Variants in LYST observed in about 807,000 individuals in gnomAD.
The protein encoded by LYST is lysosomal-trafficking regulator.
LYST carries 192 observed loss-of-function variants against 413.6 expected under a neutral mutation model. The observed-to-expected ratio is 0.46, with a 90% CI of 0.41 to 0.52. The LOEUF (loss-of-function observed/expected upper bound fraction) is 0.52. Among genes scored for constraint, LYST ranks in the 20% least tolerant of loss-of-function variants. The pLI, the probability that LYST is intolerant of heterozygous loss-of-function variation, is 0.00. For missense variants in LYST, 3,815 were observed against 4,499.9 expected, an observed-to-expected ratio of 0.85 and a Z score of 4.35; for synonymous variants, 1,525 against 1,567.3, an observed-to-expected ratio of 0.97 and a Z score of 0.64.
At position 235,727,128 on chromosome 1, in the gene LYST, T is replaced by C. The variant is rs76219119; in HGVS notation, c.9162+948A>G. Among the ~76,000 whole-genome samples, 470 of 150,020 alleles carry C rather than the reference T, an allele frequency of 3.1e-3. 1 individual carries two copies. Among genetic ancestry groups the C allele is most frequent in the East Asian group, 8.3e-3 (43 of 5,162 alleles). ...CACTCACTACTTTCTTTCTTTCTTT[T>C]TTTTTTTTTTTTGAGACAGAGTCTC... On this transcript the variant is annotated intron_variant, in intron 38 of 52. Transcript: ENST00000389793.
At chr1:235,814,353 G>A (rs1233287795) in intron 3 of LYST, among the ~76,000 whole-genome samples, 1 of 152,138 alleles carries the variant, frequency 6.6e-6, no homozygotes, top group Admixed American at 6.5e-5. Flanking sequence ...GAGTAATTGG[G>A]GTGGAAGGCA....
chr1:235,776,301 C>T (rs12081379), intron 17 of LYST, among the ~76,000 whole-genome samples: 5,659 of 152,202 alleles, frequency 0.037, 352 homozygotes, highest in African/African-American at 0.13. Context: ...CAACAACAAA[C>T]GCTGATATGC....
intron 1 of LYST, among the ~76,000 whole-genome samples, chr1:235,879,989 A>T (rs1254319429): frequency 6.6e-6 from 1 of 152,138 alleles, no homozygotes; most frequent in East Asian, 1.9e-4. Flanking sequence ...TGCCCACCTC[A>T]GCCTCCCAAA....
At chr1:235,680,659 C>A (rs1015395158) in intron 48 of LYST, among the ~76,000 whole-genome samples, 1 of 151,358 alleles carries the variant, frequency 6.6e-6, no homozygotes, top group African/African-American at 2.4e-5. Context: ...AGTGCAATGG[C>A]GCAACCTTGG....
rs1673137307 is a variant in LYST, at chr1:235,808,762, A to T, written c.2056T>A (p.Leu686Met). ...TTTAAAGCATCCCATTTCCACAACA[A>T]ATCTTCAGATCCACTGCTGGGCAGG... is the stretch of plus-strand genomic sequence containing the variant. ...GILPSSGSED[L>M]LWKWDALKAY... Residue 686 changes from leucine (L) to methionine (M), a missense_variant, in exon 5 of 53, where the codon TTG becomes ATG. By Grantham distance (15) the Leu-to-Met change is conservative. Transcript: ENST00000389793. 6.2e-7 allele frequency: 1 copy of T among 1,613,860 alleles called. No homozygotes were observed.
intron 6 of LYST, 140 bp downstream of exon 6, chr1:235,805,603 T>C (rs1672739655): frequency 7.4e-6 from 2 of 268,766 alleles, no homozygotes; most frequent in South Asian, 1.5e-4. Flanking sequence ...AAAAGTAATA[T>C]ATTATATGTT....
At chr1:235,683,483 G>A (rs1659987407) in intron 48 of LYST, among the ~76,000 whole-genome samples, 1 of 152,164 alleles carries the variant, frequency 6.6e-6, no homozygotes, top group African/African-American at 2.4e-5. Flanking sequence ...ATGGCTTATA[G>A]GTTACAATCC....
chr1:235,798,669 G>A (rs1671861983), intron 10 of LYST, among the ~76,000 whole-genome samples: 1 of 129,142 alleles, frequency 7.7e-6, no homozygotes, highest in Non-Finnish European at 1.6e-5. Context: ...TGATTAGAAA[G>A]AGAACTAAAG....
intron 31 of LYST, chr1:235,737,921 G>GAA: frequency 2.5e-6 from 3 of 1,176,872 alleles, no homozygotes; most frequent in Admixed American, 4.2e-5. Context: ...CGACGAGTCT[G>GAA]GATCTCACTG....
At chr1:235,737,690 A>C (rs867429412) in intron 31 of LYST, 3 of 158,016 alleles carry the variant, frequency 1.9e-5, no homozygotes, top group African/African-American at 7.2e-5. Context: ...TTAATATCAA[A>C]CTGAATAATG....
intron 40 of LYST, among the ~76,000 whole-genome samples, chr1:235,719,426 G>A (rs1663142084): frequency 6.6e-6 from 1 of 152,122 alleles, no homozygotes; most frequent in African/African-American, 2.4e-5. Context: ...TAGAAGAAAT[G>A]AGAGAATGGG....
intron 48 of LYST, among the ~76,000 whole-genome samples, chr1:235,684,855 C>T (rs1660086896): frequency 6.6e-6 from 1 of 152,012 alleles, no homozygotes; most frequent in African/African-American, 2.4e-5. Flanking sequence ...TCTCAAATTT[C>T]TGGGCTCAAG....
At chr1:235,767,492 C>G (rs190251672) in intron 20 of LYST, among the ~76,000 whole-genome samples, 1 of 152,234 alleles carries the variant, frequency 6.6e-6, no homozygotes, top group Admixed American at 6.5e-5. Flanking sequence ...CTACAACCAT[C>G]TGCATTTCTT....
intron 1 of LYST, among the ~76,000 whole-genome samples, chr1:235,834,948 C>T (rs12072626): frequency 0.44 from 67,184 of 151,302 alleles, 16,144 homozygotes; most frequent in African/African-American, 0.61. Flanking sequence ...GGAGTTTCAC[C>T]CTTTCGCCCA....
At chr1:235,731,287 T>A (rs1218420863) in intron 34 of LYST, 110 bp from the exon 35 acceptor site, 2 of 910,954 alleles carry the variant, frequency 2.2e-6, no homozygotes, top group African/African-American at 3.3e-5. Context: ...TCTGTTAATT[T>A]AAAAACTCCA....
Position 235,809,877 on chromosome 1 carries a change from C to A in LYST, c.941G>T (p.Gly314Val). The A allele has an allele frequency of 6.2e-7, 1 of 1,614,008 alleles. No individual in the cohort carries two copies. The highest frequency in any genetic ancestry group is 8.5e-7 in the Non-Finnish European group (1 of 1,179,980). Residue 314 changes from glycine (G) to valine (V), a missense_variant, in exon 5 of 53, where the codon GGT becomes GTT. Gly to Val is a moderately radical substitution (Grantham distance 109, BLOSUM62 -3). Transcript: ENST00000389793. The surrounding 1 kb of genome is among the most constrained non-coding windows in gnomAD (Gnocchi z 4.0). ...CAAAGCCACCGGTTCTTCGGTCCAA[C>A]CTGCAGAAACTACTCGACTCTCCAA... Reference protein sequence around the residue: ...DNLESRVVSAGWTEEPVALIQ... With the variant: ...DNLESRVVSAVWTEEPVALIQ...
At chr1:235,704,082 G>A (rs527471028) in intron 44 of LYST, among the ~76,000 whole-genome samples, 1 of 152,140 alleles carries the variant, frequency 6.6e-6, no homozygotes, top group Non-Finnish European at 1.5e-5. Context: ...CAAAGGACAT[G>A]ATCTTGTTCT....
intron 3 of LYST, among the ~76,000 whole-genome samples, chr1:235,813,881 A>G (rs1673754417): frequency 6.6e-6 from 1 of 152,208 alleles, no homozygotes; most frequent in South Asian, 2.1e-4. Flanking sequence ...TACACCAATC[A>G]GTGGGAGAGG....
At chr1:235,811,018 G>T (rs542394470) in intron 4 of LYST, among the ~76,000 whole-genome samples, 1 of 152,076 alleles carries the variant, frequency 6.6e-6, no homozygotes, top group Non-Finnish European at 1.5e-5. Flanking sequence ...GGTGGTGCAC[G>T]CCTGTAATCC....
Sources: gnomAD v4.1 joint callset for allele counts (sites outside exome capture counted in the v4.1 genomes callset) on GRCh38, gnomAD v4.1.1 for gene constraint, Gnocchi (gnomAD v3.1) non-coding constraint, MANE v1.5 for transcripts, NCBI Gene and HGNC (gene_info 2026-07-23, HGNC 2026-07-21) for gene names.